The following LUZP2 variants were observed in gnomAD, a reference collection of about 807,000 sequenced individuals.
LUZP2 encodes leucine zipper protein 2.
In LUZP2, 52 loss-of-function variants were observed where a neutral mutation model predicts 51.6. That is an observed-to-expected ratio of 1.01 (90% CI 0.81 to 1.27). The LOEUF (loss-of-function observed/expected upper bound fraction) is 1.27, where lower values mean the gene tolerates loss of function less well. Among genes scored for constraint, LUZP2 ranks in the 50% most tolerant of loss-of-function variants. The pLI, the probability that LUZP2 is intolerant of heterozygous loss-of-function variation, is 0.00. For missense variants in LUZP2, 436 were observed against 395.4 expected, an observed-to-expected ratio of 1.10 and a Z score of -0.87; for synonymous variants, 154 against 137.3, an observed-to-expected ratio of 1.12 and a Z score of -0.85.
At chr11:24,932,896 G>T (rs1374071375) in intron 7 of LUZP2, among the ~76,000 whole-genome samples, 1 of 152,126 alleles carries the variant, frequency 6.6e-6, no homozygotes, top group Non-Finnish European at 1.5e-5. Context: ...TCTCCCTGTG[G>T]TCTTTTCCCA....
At chr11:24,870,778 A>G (rs1287643956) in intron 5 of LUZP2, among the ~76,000 whole-genome samples, 4 of 152,118 alleles carry the variant, frequency 2.6e-5, no homozygotes, top group Admixed American at 6.6e-5. Flanking sequence ...TTTATTGAAA[A>G]CACAAGATTC....
intron 7 of LUZP2, among the ~76,000 whole-genome samples, chr11:24,919,871 G>A (rs9705141): frequency 6.6e-6 from 1 of 151,206 alleles, no homozygotes; most frequent in African/African-American, 2.4e-5. Flanking sequence ...AATAACAAGA[G>A]AAATGTTGAA....
intron 5 of LUZP2, among the ~76,000 whole-genome samples, chr11:24,848,222 A>G (rs1851265103): frequency 6.6e-6 from 1 of 152,166 alleles, no homozygotes; most frequent in Non-Finnish European, 1.5e-5. Context: ...ATCTATCTAT[A>G]TTAAAACATA....
rs1444997587 is a variant in LUZP2, at chr11:25,071,751, T to A, written c.859-5578T>A. ...AGTTAACGGGTGCAGCACACCAACA[T>A]GGCACATGTATACATATGTAACAAA... On this transcript the variant is annotated intron_variant, in intron 10 of 11. Coordinates refer to ENST00000336930, the MANE Select transcript of LUZP2 (RefSeq NM_001009909.4). Among the ~76,000 whole-genome samples the A allele has an allele frequency of 3.3e-5, 5 of 151,800 alleles. No homozygotes were observed. The East Asian group carries it at 9.7e-4, about 30-fold the overall frequency.
At chr11:24,537,046 A>G (rs1243567835) in intron 1 of LUZP2, among the ~76,000 whole-genome samples, 3 of 151,826 alleles carry the variant, frequency 2.0e-5, no homozygotes, top group Non-Finnish European at 4.4e-5. Flanking sequence ...TTGTTAGTTA[A>G]TTTTGCATTC....
At chr11:25,057,429 A>G (rs894022056) in intron 10 of LUZP2, among the ~76,000 whole-genome samples, 2 of 152,062 alleles carry the variant, frequency 1.3e-5, no homozygotes, top group African/African-American at 4.8e-5. Context: ...AGCATATTCG[A>G]CTATCAGTTT....
At chr11:24,870,435 C>T (rs1482266213) in intron 5 of LUZP2, among the ~76,000 whole-genome samples, 2 of 151,660 alleles carry the variant, frequency 1.3e-5, no homozygotes, top group East Asian at 3.9e-4. Flanking sequence ...TCCAGTTATT[C>T]TGTATCTATT....
intron 1 of LUZP2, among the ~76,000 whole-genome samples, chr11:24,519,785 T>A (rs1850586572): frequency 6.6e-6 from 1 of 152,240 alleles, no homozygotes; most frequent in Non-Finnish European, 1.5e-5. Flanking sequence ...ATAATATGCA[T>A]CTTTTTTAAA....
At chr11:24,765,915 C>T (rs1387059303) in intron 5 of LUZP2, among the ~76,000 whole-genome samples, 1 of 151,938 alleles carries the variant, frequency 6.6e-6, no homozygotes, top group African/African-American at 2.4e-5. Context: ...CGTGAGCTAC[C>T]GCACCCGGCC....
intron 1 of LUZP2, among the ~76,000 whole-genome samples, chr11:24,572,363 C>T (rs1319960849): frequency 6.6e-6 from 1 of 151,906 alleles, no homozygotes; most frequent in African/African-American, 2.4e-5. Context: ...GATAGTAATA[C>T]AGGTCTCAAG....
intron 10 of LUZP2, among the ~76,000 whole-genome samples, chr11:25,060,186 A>G (rs1458923234): frequency 1.3e-5 from 2 of 152,170 alleles, no homozygotes; most frequent in Non-Finnish European, 2.9e-5. Context: ...ACAAAACACC[A>G]TAGACTGGGT....
At chr11:24,697,164 A>C (rs58796351) in intron 1 of LUZP2, among the ~76,000 whole-genome samples, 6,294 of 152,280 alleles carry the variant, frequency 0.041, 153 homozygotes, top group African/African-American at 0.061. Context: ...AAAGGAAACA[A>C]GTTAACAATT....
intron 4 of LUZP2, among the ~76,000 whole-genome samples, chr11:24,758,374 A>ATATTT: frequency 6.6e-6 from 1 of 151,670 alleles, no homozygotes; most frequent in Admixed American, 6.6e-5. Flanking sequence ...TATATCATGA[A>ATATTT]TATTTTATTT....
At chr11:24,893,078 T>A (rs1037363927) in intron 5 of LUZP2, 4 of 152,198 alleles carry the variant, frequency 2.6e-5, no homozygotes, top group Admixed American at 6.5e-5. Context: ...GATACATGTC[T>A]AAGATGTTCA....
chr11:24,924,144 C>G (rs1854158399), intron 7 of LUZP2, among the ~76,000 whole-genome samples: 1 of 150,844 alleles, frequency 6.6e-6, no homozygotes, highest in East Asian at 2.0e-4. Flanking sequence ...GTGGCGTGAT[C>G]TCGGCTCACT....
intron 7 of LUZP2, among the ~76,000 whole-genome samples, chr11:24,916,563 C>G (rs1853796798): frequency 6.6e-6 from 1 of 152,022 alleles, no homozygotes; most frequent in Non-Finnish European, 1.5e-5. Context: ...CAGTTCCCAC[C>G]TATGAGTGAG....
In LUZP2 at chr11:24,729,264, A is replaced by T. The variant is rs752904146; in HGVS notation, c.158A>T (p.Asp53Val). 2.6e-6 allele frequency: 4 copies of T among 1,552,338 alleles called. No homozygotes were observed. The highest frequency in any genetic ancestry group is 3.5e-6 in the Non-Finnish European group (4 of 1,138,524). The change falls in exon 2 of 12, where the codon GAT becomes GTT. Residue 53 changes from aspartate to valine, a missense_variant. By Grantham distance (152) the Asp-to-Val change is radical. Coordinates refer to ENST00000336930, the MANE Select transcript of LUZP2 (RefSeq NM_001009909.4). ...RQLTKTSREL[D>V]GIKVNLQSLK... is the part of the protein sequence containing the mutation. Reference sequence around the variant, plus strand: ...CTGACAAAGACATCAAGAGAACTTGATGGAATTAAAGTCAATCTTCAGGTG... The same window carrying T: ...CTGACAAAGACATCAAGAGAACTTGTTGGAATTAAAGTCAATCTTCAGGTG...
intron 7 of LUZP2, among the ~76,000 whole-genome samples, chr11:24,945,799 T>TA (rs1253521900): frequency 2.0e-5 from 3 of 152,050 alleles, no homozygotes; most frequent in African/African-American, 4.8e-5. Flanking sequence ...TTACGATTTT[T>TA]AAAAAACTTT....
At chr11:24,765,886 A>T (rs1444668739) in intron 5 of LUZP2, among the ~76,000 whole-genome samples, 1 of 152,160 alleles carries the variant, frequency 6.6e-6, no homozygotes, top group East Asian at 1.9e-4. Context: ...TAGGCCTCCC[A>T]AAGTGCTGGG....
Sources: gnomAD v4.1 joint callset for allele counts (sites outside exome capture counted in the v4.1 genomes callset) on GRCh38, gnomAD v4.1.1 for gene constraint, MANE v1.5 for transcripts, NCBI Gene and HGNC (gene_info 2026-07-23, HGNC 2026-07-21) for gene names.